Variants in NEDD4L observed in about 807,000 individuals in gnomAD.
The protein encoded by NEDD4L is E3 ubiquitin-protein ligase NEDD4-like.
Under a neutral mutation model 148.9 loss-of-function variants are expected in NEDD4L, and 54 were observed. The observed-to-expected ratio is 0.36, with a 90% confidence interval of 0.29 to 0.45. The LOEUF is 0.45. Among genes scored for constraint, NEDD4L ranks in the 20% least tolerant of loss-of-function variants. The pLI, the probability that NEDD4L is intolerant of heterozygous loss-of-function variation, is 1.00. For synonymous variants in NEDD4L, 433 were observed against 440.7 expected (o/e 0.98, Z 0.22); for missense variants, 856 against 1,233.8 (o/e 0.69, Z 4.59).
intron 5 of NEDD4L, among the ~76,000 whole-genome samples, chr18:58,288,178 A>G (rs1405828785): frequency 6.6e-6 from 1 of 152,228 alleles, no homozygotes; most frequent in Non-Finnish European, 1.5e-5. Context: ...AGGTGTAAAC[A>G]AAAAAGAGAG....
At chr18:58,124,707 G>A (rs1467105052) in intron 1 of NEDD4L, among the ~76,000 whole-genome samples, 2 of 152,088 alleles carry the variant, frequency 1.3e-5, no homozygotes, top group East Asian at 3.8e-4. Context: ...GTCACTAAAC[G>A]GCACCAGCTC....
In NEDD4L at chr18:58,156,655, G is replaced by A. The variant is rs1205747628; in HGVS notation, c.49-9133G>A. Among the ~76,000 whole-genome samples the A allele has an allele frequency of 2.6e-5, 4 of 152,184 alleles. No homozygotes were observed. The East Asian group carries it at 7.7e-4, about 29-fold the overall frequency. ...CCTACGAGTCTTTGGTCCCTCCCCA[G>A]TGCTACCTGGCCAGCTCTCAGCCTT... On this transcript the variant is annotated intron_variant, in intron 1 of 30. Transcript: ENST00000400345.
intron 1 of NEDD4L, chr18:58,045,148 C>A: frequency 2.5e-6 from 1 of 399,072 alleles, no homozygotes; most frequent in Non-Finnish European, 4.4e-6. Flanking sequence ...CGGATCGTTT[C>A]CCCCTGGAAC....
At position 58,373,286 on chromosome 18, in the gene NEDD4L, C is replaced by G. The variant is rs1009196798; in HGVS notation, c.2352+17C>G. ...TTTGGACAGGTACATGTGGGTAACC[C>G]TGGGAACTCTTCTTTAGCTTTCAAG... is the stretch of plus-strand genomic sequence containing the variant. On this transcript the variant is annotated intron_variant, in intron 24 of 30. Coordinates refer to ENST00000400345, the MANE Select transcript of NEDD4L (RefSeq NM_001144967.3). The G allele has an allele frequency of 2.1e-6, 3 of 1,453,466 alleles. No homozygotes were observed. In the African/African-American group the frequency reaches 4.2e-5, roughly 20 times the overall value. 90.0% of individuals were successfully genotyped at this position (1,453,466 alleles called of 1,614,324 possible). A position where few individuals can be genotyped will look rare whatever the true frequency, so the allele number is the denominator to read the frequency against.
chr18:58,086,984 C>G (rs1481573786), intron 1 of NEDD4L, among the ~76,000 whole-genome samples: 1 of 152,152 alleles, frequency 6.6e-6, no homozygotes, highest in East Asian at 1.9e-4. Context: ...TGGTGTAATT[C>G]TTTTAAAAGC....
chr18:58,299,906 A>G (rs1748987349), intron 5 of NEDD4L, among the ~76,000 whole-genome samples: 1 of 152,256 alleles, frequency 6.6e-6, no homozygotes, highest in African/African-American at 2.4e-5. Flanking sequence ...GCCAGATGTT[A>G]CAATGACTAG....
chr18:58,156,297 A>G (rs533062876), intron 1 of NEDD4L, among the ~76,000 whole-genome samples: 8 of 152,336 alleles, frequency 5.3e-5, no homozygotes, highest in African/African-American at 1.9e-4. Flanking sequence ...CGCAAATGCT[A>G]TCTAGAGATG....
At chr18:58,382,032 A>G (rs758568553) in intron 24 of NEDD4L, among the ~76,000 whole-genome samples, 18 of 152,262 alleles carry the variant, frequency 1.2e-4, no homozygotes, top group Non-Finnish European at 2.2e-4. Flanking sequence ...TGAAGAGTTC[A>G]GTTGACTTTG....
intron 9 of NEDD4L, among the ~76,000 whole-genome samples, chr18:58,326,315 C>T (rs2059307653): frequency 1.3e-5 from 2 of 152,202 alleles, no homozygotes; most frequent in African/African-American, 4.8e-5. Context: ...CTTTAGACTA[C>T]CCAGCACGGG....
At chr18:58,312,381 A>G (rs898612997) in intron 5 of NEDD4L, among the ~76,000 whole-genome samples, 2 of 152,242 alleles carry the variant, frequency 1.3e-5, no homozygotes, top group African/African-American at 4.8e-5. Flanking sequence ...TTGATGCTTG[A>G]TGGAAATAAT....
intron 13 of NEDD4L, among the ~76,000 whole-genome samples, chr18:58,337,783 A>T (rs1428261711): frequency 6.6e-6 from 1 of 152,112 alleles, no homozygotes; most frequent in Non-Finnish European, 1.5e-5. Flanking sequence ...AACCGTCCTG[A>T]TATAGCTTTC....
chr18:58,378,553 TG>T (rs1291964423), intron 24 of NEDD4L, among the ~76,000 whole-genome samples: 7 of 152,096 alleles, frequency 4.6e-5, no homozygotes, highest in Non-Finnish European at 1.0e-4. Flanking sequence ...AGACGGGAAG[TG>T]GGAAGGCTGG....
intron 24 of NEDD4L, 77 bp from the exon 25 acceptor site, chr18:58,383,169 G>T: frequency 1.3e-6 from 1 of 779,492 alleles, no homozygotes; most frequent in South Asian, 1.5e-5. Flanking sequence ...TCCCTTTATA[G>T]TAAGACATTG....
chr18:58,276,798 G>A (rs2052131291), intron 5 of NEDD4L, among the ~76,000 whole-genome samples: 1 of 151,874 alleles, frequency 6.6e-6, no homozygotes, highest in Non-Finnish European at 1.5e-5. Context: ...AACAGTTAAG[G>A]AAAGCCGCAT....
chr18:58,223,813 C>T (rs1192611117), intron 2 of NEDD4L, among the ~76,000 whole-genome samples: 4 of 152,202 alleles, frequency 2.6e-5, no homozygotes, highest in African/African-American at 9.6e-5. Context: ...GGCAGAAGCA[C>T]ATGTTCTCTG....
At chr18:58,395,126 G>T (rs1249057124) in intron 30 of NEDD4L, among the ~76,000 whole-genome samples, 2 of 152,196 alleles carry the variant, frequency 1.3e-5, no homozygotes, top group Admixed American at 1.3e-4. Context: ...AGACAAGGCT[G>T]ATGGGGCATG....
chr18:58,138,787 A>G (rs2033155948), intron 1 of NEDD4L, among the ~76,000 whole-genome samples: 1 of 152,188 alleles, frequency 6.6e-6, no homozygotes, highest in Non-Finnish European at 1.5e-5. Flanking sequence ...TAAGAGTACT[A>G]ATTTCATTCA....
At chr18:58,071,427 G>C (rs990886401) in intron 1 of NEDD4L, among the ~76,000 whole-genome samples, 3 of 152,148 alleles carry the variant, frequency 2.0e-5, no homozygotes, top group African/African-American at 7.2e-5. Flanking sequence ...CTGAAATGAA[G>C]AATTCACTGG....
chr18:58,210,826 T>C (rs1032058883), intron 2 of NEDD4L, among the ~76,000 whole-genome samples: 1 of 152,130 alleles, frequency 6.6e-6, no homozygotes, highest in Non-Finnish European at 1.5e-5. Context: ...TGAAAGTAAA[T>C]GTAGAAATTT....
Sources: gnomAD v4.1 joint callset for allele counts (sites outside exome capture counted in the v4.1 genomes callset) on GRCh38, gnomAD v4.1.1 for gene constraint, MANE v1.5 for transcripts, NCBI Gene and HGNC (gene_info 2026-07-23, HGNC 2026-07-21) for gene names.